ESRRG: variants seen among roughly 807,000 people sequenced by gnomAD.
ESRRG encodes estrogen related receptor gamma.
Under a neutral mutation model 44.0 loss-of-function variants are expected in ESRRG, and 13 were observed. The ratio of observed to expected loss-of-function variants is 0.30; its 90% CI spans 0.19 to 0.47. The LOEUF (loss-of-function observed/expected upper bound fraction) is 0.47, where lower values mean the gene tolerates loss of function less well. ESRRG is among the 20% of genes least tolerant of loss of function. ESRRG has a pLI of 1.00. For synonymous variants in ESRRG, 215 were observed against 214.6 expected (o/e 1.00, Z -0.02); for missense variants, 395 against 580.6 (o/e 0.68, Z 3.29).
intron 1 of ESRRG, among the ~76,000 whole-genome samples, chr1:217,033,268 T>C (rs1488536554): frequency 6.6e-6 from 1 of 152,196 alleles, no homozygotes; most frequent in Non-Finnish European, 1.5e-5. Flanking sequence ...TTTTGTGCAG[T>C]ACCCAGTTCC....
chr1:216,656,616 C>G (rs924539839), intron 2 of ESRRG, among the ~76,000 whole-genome samples: 15 of 152,108 alleles, frequency 9.9e-5, no homozygotes, highest in African/African-American at 3.4e-4. Flanking sequence ...ACTTAATGGA[C>G]TTTTACAGTT....
chr1:216,932,003 A>C (rs1309522141), intron 2 of ESRRG, among the ~76,000 whole-genome samples: 1 of 152,164 alleles, frequency 6.6e-6, no homozygotes, highest in African/African-American at 2.4e-5. Flanking sequence ...CAGGAGTTCA[A>C]GACCAGCCTG....
At chr1:216,958,792 C>T (rs904613278) in intron 1 of ESRRG, among the ~76,000 whole-genome samples, 2 of 152,108 alleles carry the variant, frequency 1.3e-5, no homozygotes, top group Non-Finnish European at 2.9e-5. Flanking sequence ...TTAGACTCTT[C>T]ATTATCCTGG....
upstream of ESRRG, among the ~76,000 whole-genome samples, chr1:217,094,587 T>C (rs1188287305): frequency 6.6e-6 from 1 of 152,220 alleles, no homozygotes; most frequent in Non-Finnish European, 1.5e-5. Flanking sequence ...CAACAAAATA[T>C]TATCATGTCA....
At chr1:216,526,766 A>G (rs771184442) in intron 5 of ESRRG, among the ~76,000 whole-genome samples, 4 of 152,174 alleles carry the variant, frequency 2.6e-5, no homozygotes, top group African/African-American at 9.7e-5. Context: ...CATGAAGCAC[A>G]AGGCTGTCTG....
intron 1 of ESRRG, among the ~76,000 whole-genome samples, chr1:216,941,522 C>T (rs1047142878): frequency 4.6e-5 from 7 of 152,094 alleles, no homozygotes; most frequent in African/African-American, 1.7e-4. Context: ...TCCTTTTGAT[C>T]CCACACCAAC....
At chr1:216,948,703 C>T (rs1392247621) in intron 1 of ESRRG, among the ~76,000 whole-genome samples, 1 of 152,082 alleles carries the variant, frequency 6.6e-6, no homozygotes, top group Non-Finnish European at 1.5e-5. Context: ...GAGGCTTAAT[C>T]ACTTGTATGT....
At chr1:217,105,328 T>G (rs73103071) in intron 1 of ESRRG, among the ~76,000 whole-genome samples, 4 of 152,188 alleles carry the variant, frequency 2.6e-5, no homozygotes, top group African/African-American at 9.7e-5. Flanking sequence ...GCTAAGTCCT[T>G]CATTATTTTT....
chr1:216,977,067 C>T lies in ESRRG; in HGVS notation c.-105-37394G>A, dbSNP rs563728633. Among the ~76,000 whole-genome samples the T allele has an allele frequency of 1.2e-4, 18 of 152,176 alleles. No homozygotes were observed. The South Asian group carries it at 1.2e-3, about 11-fold the overall frequency. On this transcript the variant is annotated intron_variant, in intron 1 of 7. Transcript: ENST00000359162. ...GTGAAAGCCAGTAGAATCTTGCTCGCTCTCTCTTATTTTCAAGGTGTTTCT... is the reference window on the plus strand; with the variant it reads ...GTGAAAGCCAGTAGAATCTTGCTCGTTCTCTCTTATTTTCAAGGTGTTTCT...
chr1:216,677,183 G>T lies in ESRRG; in HGVS notation c.365C>A (p.Ser122Ter). The T allele has an allele frequency of 6.2e-7, 1 of 1,614,068 alleles. No homozygotes were observed. Among genetic ancestry groups the T allele is most frequent in the Non-Finnish European group, 8.5e-7 (1 of 1,179,960 alleles). The change falls in exon 2 of 7, where the codon TCG becomes TAG. Residue 122 changes from serine to a stop codon, truncating the protein, a stop_gained. Transcript: ENST00000408911. LOFTEE classifies it high-confidence loss of function. ...PQTKCEYMLN[S>*]MPKRLCLVCG... is the part of the protein sequence containing the mutation. ...CACTAAACACAGTCTCTTGGGCATC[G>T]AGTTGAGCATGTATTCACACTTGGT... is the stretch of plus-strand genomic sequence containing the variant.
intron 3 of ESRRG, among the ~76,000 whole-genome samples, chr1:216,646,242 T>G (rs1311693706): frequency 6.6e-6 from 1 of 152,084 alleles, no homozygotes; most frequent in Non-Finnish European, 1.5e-5. Flanking sequence ...CTGAGCAAAT[T>G]TTCACTTATT....
intron 1 of ESRRG, among the ~76,000 whole-genome samples, chr1:216,700,230 G>C (rs1021020557): frequency 9.2e-5 from 14 of 151,948 alleles, no homozygotes; most frequent in African/African-American, 3.4e-4. Flanking sequence ...AAAATGAGCT[G>C]ATGGAAATAT....
At chr1:216,628,461 A>T (rs995221435) in intron 3 of ESRRG, among the ~76,000 whole-genome samples, 1 of 152,180 alleles carries the variant, frequency 6.6e-6, no homozygotes, top group Non-Finnish European at 1.5e-5. Context: ...GCCAATTTGG[A>T]GTAGATTCCC....
At chr1:216,525,419 C>G (rs990650510) in intron 5 of ESRRG, among the ~76,000 whole-genome samples, 1 of 152,182 alleles carries the variant, frequency 6.6e-6, no homozygotes. Context: ...CAAACTCCCT[C>G]TTACTTGACC....
rs567252040 is a variant in ESRRG at position 216,997,865 on chromosome 1, C to T, written c.-105-58192G>A. Reference sequence around the variant, plus strand: ...TATTACATTACCATTTTCCTGGACCCCATTAACCTTGAGAGAACTGTAAAG... The same window carrying T: ...TATTACATTACCATTTTCCTGGACCTCATTAACCTTGAGAGAACTGTAAAG... On this transcript the variant is annotated intron_variant, in intron 1 of 7. Transcript: ENST00000359162. 2.0e-5 allele frequency among the ~76,000 whole-genome samples: 3 copies of T among 152,298 alleles called. No individual in the cohort carries two copies. In the East Asian group the frequency reaches 5.8e-4, roughly 29 times the overall value.
At chr1:217,024,519 T>C (rs2080891543) in intron 1 of ESRRG, among the ~76,000 whole-genome samples, 1 of 152,006 alleles carries the variant, frequency 6.6e-6, no homozygotes, top group Admixed American at 6.6e-5. Context: ...CCAATTCCCA[T>C]GTAAGAGACA....
At chr1:217,093,169 T>C (rs1484828042), upstream of ESRRG, among the ~76,000 whole-genome samples, 5 of 152,208 alleles carry the variant, frequency 3.3e-5, no homozygotes, top group Non-Finnish European at 7.3e-5. Flanking sequence ...GCAGGAGATA[T>C]GTGATCTCAT....
At chr1:216,536,436 A>T (rs1156947085) in intron 5 of ESRRG, among the ~76,000 whole-genome samples, 1 of 152,102 alleles carries the variant, frequency 6.6e-6, no homozygotes, top group Non-Finnish European at 1.5e-5. Flanking sequence ...TTTTCCTATG[A>T]AATATCTCAT....
chr1:216,688,502 TACAAAAACAAA>T (rs2078447157), intron 1 of ESRRG, among the ~76,000 whole-genome samples: 3 of 152,220 alleles, frequency 2.0e-5, no homozygotes, highest in African/African-American at 7.2e-5. Context: ...ACACAAACCA[TACAAAAACAAA>T]ACAAAAATAA....
Sources: allele counts gnomAD v4.1 joint callset (sites outside exome capture counted in the v4.1 genomes callset), GRCh38; gene constraint gnomAD v4.1.1; transcripts MANE v1.5; gene names NCBI Gene and HGNC (gene_info 2026-07-23, HGNC 2026-07-21).